The following ZBTB37 variants were observed in gnomAD, a reference collection of about 807,000 sequenced individuals.
The protein encoded by ZBTB37 is zinc finger and BTB domain-containing protein 37.
In ZBTB37, 15 loss-of-function variants were observed where a neutral mutation model predicts 37.7. The observed-to-expected ratio is 0.40, with a 90% CI of 0.27 to 0.61. The LOEUF (loss-of-function observed/expected upper bound fraction) is 0.61. Among genes scored for constraint, ZBTB37 ranks in the 20% least tolerant of loss-of-function variants. The probability of loss-of-function intolerance (pLI) is 0.44; values close to 1 mark genes in which losing one functional copy is unlikely to be tolerated. For missense variants in ZBTB37, 514 were observed against 641.9 expected, an observed-to-expected ratio of 0.80 and a Z score of 2.15; for synonymous variants, 231 against 220.6, an observed-to-expected ratio of 1.05 and a Z score of -0.42.
chr1:173,882,023 C>T (rs1656342392), intron 4 of ZBTB37, among the ~76,000 whole-genome samples: 1 of 151,374 alleles, frequency 6.6e-6, no homozygotes, highest in Non-Finnish European at 1.5e-5. Context: ...CACCGCACTC[C>T]AGCCTGGGTG....
chr1:173,889,239 T>C (rs1656746997), downstream of ZBTB37: 2 of 152,386 alleles, frequency 1.3e-5, no homozygotes, highest in Middle Eastern at 3.4e-3. Context: ...AGTTCTTAGC[T>C]AACAACACAT....
intron 3 of ZBTB37, 82 bp downstream of exon 3, chr1:173,871,230 ATTT>A: frequency 7.6e-7 from 1 of 1,321,592 alleles, no homozygotes; most frequent in South Asian, 1.5e-5. Context: ...TACAGAGAGC[ATTT>A]TCCTTACCTG....
intron 4 of ZBTB37, among the ~76,000 whole-genome samples, chr1:173,884,122 T>G (rs766426020): frequency 5.9e-5 from 9 of 152,086 alleles, no homozygotes; most frequent in Non-Finnish European, 1.2e-4. Flanking sequence ...TAATACAGAA[T>G]TTTGAACAAA....
downstream of ZBTB37, chr1:173,888,149 C>G (rs1656701078): frequency 6.6e-6 from 1 of 152,128 alleles, no homozygotes; most frequent in African/African-American, 2.4e-5. Context: ...AGTTAGACAA[C>G]AGCATGATAA....
At chr1:173,880,384 C>A (rs1656230756) in intron 4 of ZBTB37, among the ~76,000 whole-genome samples, 1 of 152,136 alleles carries the variant, frequency 6.6e-6, no homozygotes, top group Non-Finnish European at 1.5e-5. Flanking sequence ...AACTTTGGGT[C>A]TGCGGTTAGT....
At chr1:173,899,428 G>A (rs1311663391) in exon 4 of ZBTB37, 1 of 152,186 alleles carries the variant, frequency 6.6e-6, no homozygotes. Context: ...ATTACAGCCA[G>A]TTATTTATTT....
At chr1:173,883,766 C>A (rs543974605) in intron 4 of ZBTB37, among the ~76,000 whole-genome samples, 6 of 152,294 alleles carry the variant, frequency 3.9e-5, no homozygotes, top group African/African-American at 1.4e-4. Flanking sequence ...TACTGCTTCC[C>A]AAACCTGTTG....
chr1:173,872,346 T>G (rs927360416), intron 3 of ZBTB37, among the ~76,000 whole-genome samples: 1 of 152,190 alleles, frequency 6.6e-6, no homozygotes, highest in East Asian at 1.9e-4. Flanking sequence ...GTGCTGGGAT[T>G]ACAGGTGTGA....
exon 4 of ZBTB37, chr1:173,897,036 T>C (rs1319493674): frequency 1.3e-5 from 2 of 152,202 alleles, no homozygotes; most frequent in Non-Finnish European, 2.9e-5. Flanking sequence ...AAAAGTCTGT[T>C]TTCTTTTTGG....
chr1:173,879,788 CTAAATATAAAACA>C (rs1289518120), intron 4 of ZBTB37, among the ~76,000 whole-genome samples: 1 of 152,046 alleles, frequency 6.6e-6, no homozygotes, highest in Non-Finnish European at 1.5e-5. Context: ...CCCATCTCTA[CTAAATATAAAACA>C]TTAGCCAGGC....
intron 4 of ZBTB37, among the ~76,000 whole-genome samples, chr1:173,883,940 A>G (rs1026616923): frequency 6.6e-6 from 1 of 152,092 alleles, no homozygotes. Flanking sequence ...TGCTCCAGTT[A>G]CTCCAGAGTC....
At chr1:173,874,256 A>C (rs1161378551) in intron 4 of ZBTB37, among the ~76,000 whole-genome samples, 1 of 139,412 alleles carries the variant, frequency 7.2e-6, no homozygotes, top group East Asian at 2.0e-4. Context: ...ACTCCGTCTC[A>C]AAAAAAAAAA....
rs545011987 is a variant in ZBTB37, at chr1:173,892,967, A to G, written c.*6843A>G. On this transcript the variant is annotated 3_prime_UTR_variant, in exon 4 of 4. Transcript: ENST00000367701. ...TTCCAGGCTGGAGTGCAGTGGCTCAATCTTGGCTCACTGCAATCTCCACCT... is the reference window on the plus strand; with the variant it reads ...TTCCAGGCTGGAGTGCAGTGGCTCAGTCTTGGCTCACTGCAATCTCCACCT... 4 of 152,300 alleles carry G rather than the reference A, an allele frequency of 2.6e-5. 1 individual carries two copies. Among genetic ancestry groups the G allele is most frequent in the East Asian group, 3.9e-4 (2 of 5,188 alleles). The allele number at this position is 152,300 out of a possible 1,614,324, so 9.4% of individuals were successfully genotyped here. A position where few individuals can be genotyped will look rare whatever the true frequency, so the allele number is the denominator to read the frequency against.
exon 3 of ZBTB37, chr1:173,871,078 G>C (rs61745032): frequency 2.5e-6 from 4 of 1,614,104 alleles, no homozygotes; most frequent in Non-Finnish European, 3.4e-6. Context: ...TGGTTCTGTA[G>C]GACAGGAAAA....
intron 4 of ZBTB37, among the ~76,000 whole-genome samples, chr1:173,883,703 CAAAT>C (rs1344036249): frequency 5.9e-5 from 9 of 152,094 alleles, no homozygotes; most frequent in African/African-American, 1.2e-4. Flanking sequence ...TAATATGAAA[CAAAT>C]AAAATAATCT....
downstream of ZBTB37, chr1:173,888,510 C>G (rs1172277881): frequency 2.0e-5 from 3 of 152,082 alleles, no homozygotes; most frequent in African/African-American, 7.3e-5. Context: ...TCACTGTAAT[C>G]TTGAACTCCT....
chr1:173,890,753 TATAATG>T (rs1656810617), downstream of ZBTB37: 1 of 152,164 alleles, frequency 6.6e-6, no homozygotes, highest in Non-Finnish European at 1.5e-5. Context: ...TAAAGAAAAT[TATAATG>T]GAATAGGGCC....
exon 5 of ZBTB37, chr1:173,885,874 G>A (rs1423591376): frequency 1.9e-6 from 3 of 1,551,840 alleles, no homozygotes; most frequent in Non-Finnish European, 2.6e-6. Context: ...TATCATATCC[G>A]CAAGCACACA....
At chr1:173,883,728 G>C (rs1392484915) in intron 4 of ZBTB37, among the ~76,000 whole-genome samples, 1 of 152,154 alleles carries the variant, frequency 6.6e-6, no homozygotes, top group Non-Finnish European at 1.5e-5. Context: ...TAAAACCTCA[G>C]TCTTAGTATT....
Sources: allele counts gnomAD v4.1 joint callset (sites outside exome capture counted in the v4.1 genomes callset), GRCh38; gene constraint gnomAD v4.1.1; transcripts MANE v1.5; gene names NCBI Gene and HGNC (gene_info 2026-07-23, HGNC 2026-07-21).